FGF5: variants seen among roughly 807,000 people sequenced by gnomAD.
The protein encoded by FGF5 is heparin-binding growth factor 5.
Under a neutral mutation model 21.8 loss-of-function variants are expected in FGF5, and 23 were observed. The observed-to-expected ratio is 1.05, with a 90% CI of 0.76 to 1.49. The LOEUF (loss-of-function observed/expected upper bound fraction) is 1.49, where lower values mean the gene tolerates loss of function less well. Among genes scored for constraint, FGF5 ranks in the 40% most tolerant of loss-of-function variants. FGF5 has a pLI of 0.00. For missense variants in FGF5, 352 were observed against 332.9 expected (o/e 1.06, Z -0.45); for synonymous variants, 158 against 124.0 (o/e 1.27, Z -1.82).
chr4:80,282,896 T>C (rs34461796), intron 2 of FGF5, among the ~76,000 whole-genome samples: 120 of 152,168 alleles, frequency 7.9e-4, no homozygotes, highest in Non-Finnish European at 1.5e-3. Context: ...CCTGGAAAAT[T>C]TATTGTCCAA....
At chr4:80,271,604 G>A (rs1307511935) in intron 1 of FGF5, among the ~76,000 whole-genome samples, 2 of 152,092 alleles carry the variant, frequency 1.3e-5, no homozygotes, top group East Asian at 3.9e-4. Context: ...GTATGCATGG[G>A]GTGTCCTGAC....
Position 80,286,590 on chromosome 4 carries a change from C to T in FGF5, c.725C>T (p.Pro242Leu). The T allele has an allele frequency of 3.7e-6, 6 of 1,614,052 alleles. No individual in the cohort carries two copies. Among genetic ancestry groups the T allele is most frequent in the Non-Finnish European group, 5.1e-6 (6 of 1,179,978 alleles). The change falls in exon 3 of 3, where the codon CCT becomes CTT. Residue 242 changes from proline to leucine, a missense_variant. Pro to Leu is a moderately conservative substitution (Grantham distance 98). Coordinates refer to ENST00000312465, the MANE Select transcript of FGF5 (RefSeq NM_004464.4). Reference protein sequence around the residue: ...TVPEKKKPPSPIKPKIPLSAP... With the variant: ...TVPEKKKPPSLIKPKIPLSAP... ...CCTGAAAAGAAAAAGCCACCTAGCC[C>T]TATCAAGCCAAAGATTCCCCTTTCT... is the stretch of plus-strand genomic sequence containing the variant.
At chr4:80,270,957 T>G (rs1341027256) in intron 1 of FGF5, among the ~76,000 whole-genome samples, 1 of 152,180 alleles carries the variant, frequency 6.6e-6, no homozygotes, top group Non-Finnish European at 1.5e-5. Context: ...GTGGAAAATT[T>G]CTGTTGCTAA....
intron 1 of FGF5, among the ~76,000 whole-genome samples, chr4:80,267,425 C>T (rs1720128046): frequency 6.6e-6 from 1 of 152,184 alleles, no homozygotes; most frequent in Non-Finnish European, 1.5e-5. Context: ...GGCTGGTGCC[C>T]AGACGGGTAC....
intron 2 of FGF5, among the ~76,000 whole-genome samples, chr4:80,277,220 G>A (rs371684804): frequency 2.0e-5 from 3 of 152,098 alleles, no homozygotes; most frequent in Admixed American, 6.6e-5. Context: ...CATCTTGGCA[G>A]GCTAAAGTTA....
In FGF5 at chr4:80,288,989, C is replaced by A. The variant is rs1190242847; in HGVS notation, c.*2317C>A. The A allele has an allele frequency of 2.7e-5, 4 of 148,266 alleles. No individual in the cohort carries two copies. The East Asian group carries it at 5.8e-4, about 22-fold the overall frequency. 9.2% of individuals were successfully genotyped at this position (148,266 alleles called of 1,614,324 possible). A position where few individuals can be genotyped will look rare whatever the true frequency, so the allele number is the denominator to read the frequency against. On this transcript the variant is annotated 3_prime_UTR_variant, in exon 3 of 3. Coordinates refer to ENST00000312465, the MANE Select transcript of FGF5 (RefSeq NM_004464.4). ...ATTACACTTGTCTTTACTGGCCATA[C>A]AAAATGATTTTTTTTTTTTTTTTGA...
At position 80,286,598 on chromosome 4, in the gene FGF5, C is replaced by T; in HGVS notation, c.733C>T (p.Pro245Ser). The T allele has an allele frequency of 1.2e-6, 2 of 1,613,996 alleles. No homozygotes were observed. Among genetic ancestry groups the T allele is most frequent in the Non-Finnish European group, 8.5e-7 (1 of 1,179,958 alleles). ...EKKKPPSPIK[P>S]KIPLSAPRKN... ...GAAAAAGCCACCTAGCCCTATCAAG[C>T]CAAAGATTCCCCTTTCTGCACCTCG... Residue 245 changes from proline to serine, a missense_variant, in exon 3 of 3, where the codon CCA becomes TCA. Transcript: ENST00000312465.
chr4:80,281,454 G>A (rs983210319), intron 2 of FGF5, among the ~76,000 whole-genome samples: 2 of 152,068 alleles, frequency 1.3e-5, no homozygotes, highest in Middle Eastern at 6.8e-3. Context: ...TTTATATTTG[G>A]CTTTTTTTCC....
At chr4:80,286,239 G>GA in intron 2 of FGF5, 86 bp from the exon 3 acceptor site, 3 of 877,454 alleles carry the variant, frequency 3.4e-6, no homozygotes, top group South Asian at 4.5e-5. Flanking sequence ...CAAAATTATT[G>GA]TTTTTTTTTC....
chr4:80,285,586 C>T (rs1720688386), intron 2 of FGF5, among the ~76,000 whole-genome samples: 1 of 152,156 alleles, frequency 6.6e-6, no homozygotes, highest in Non-Finnish European at 1.5e-5. Flanking sequence ...TATCAAGCTG[C>T]ACCATGACGG....
In FGF5 at chr4:80,286,948, C is replaced by T. The variant is rs115729960; in HGVS notation, c.*276C>T. On this transcript the variant is annotated 3_prime_UTR_variant, in exon 3 of 3. Coordinates refer to ENST00000312465, the MANE Select transcript of FGF5 (RefSeq NM_004464.4). ...AGGGATATTTAGAACTTTGTATTTT[C>T]GGAAAGTTAAATAACAGGGACTACG... 1.7e-3 allele frequency: 488 copies of T among 294,508 alleles called. 2 individuals are homozygous for T. Among genetic ancestry groups the T allele is most frequent in the African/African-American group, 9.5e-3 (446 of 46,854 alleles). 18.2% of individuals were successfully genotyped at this position (294,508 alleles called of 1,614,324 possible).
intron 2 of FGF5, among the ~76,000 whole-genome samples, chr4:80,282,512 A>G (rs1482435507): frequency 6.6e-6 from 1 of 152,236 alleles, no homozygotes; most frequent in Admixed American, 6.5e-5. Flanking sequence ...ATTTAAGTCA[A>G]CAAAAACATG....
chr4:80,268,585 G>A, intron 1 of FGF5: 1 of 938,026 alleles, frequency 1.1e-6, no homozygotes. Context: ...CGGTAGGCTG[G>A]CTAGCCTCCT....
rs4690150 is a variant in FGF5, at chr4:80,290,416, G to C, written c.*3744G>C. On this transcript the variant is annotated 3_prime_UTR_variant, in exon 3 of 3. Transcript: ENST00000312465. ...ATGATTAGGTATTAGCAGAGACAAA[G>C]AGTTACCTCCTCCATCTTACTCTGC... 0.59 allele frequency: 89,864 copies of C among 151,966 alleles called. 29,045 individuals are homozygous for C. The highest frequency in any genetic ancestry group is 0.72 in the Non-Finnish European group (49,021 of 67,974). 9.4% of individuals were successfully genotyped at this position (151,966 alleles called of 1,614,324 possible).
chr4:80,269,747 A>G (rs1237198602), intron 1 of FGF5, among the ~76,000 whole-genome samples: 6 of 151,498 alleles, frequency 4.0e-5, no homozygotes, highest in Admixed American at 3.9e-4. Flanking sequence ...CTCACTAAGC[A>G]TGATATTTTG....
intron 1 of FGF5, among the ~76,000 whole-genome samples, chr4:80,267,630 C>T (rs1720134131): frequency 1.3e-5 from 2 of 152,144 alleles, no homozygotes; most frequent in African/African-American, 4.8e-5. Context: ...AATCAAATCC[C>T]AAATACTTCC....
In FGF5 at chr4:80,288,442, T is replaced by A. The variant is rs370373404; in HGVS notation, c.*1770T>A. ...TTAAGCATTCTTTCCACTGAATGCA[T>A]AATGTTTAAATAGCATAAAATGAAA... On this transcript the variant is annotated 3_prime_UTR_variant, in exon 3 of 3. Coordinates refer to ENST00000312465, the MANE Select transcript of FGF5 (RefSeq NM_004464.4). 3.3e-5 allele frequency: 5 copies of A among 152,212 alleles called. No homozygotes were observed. In the East Asian group the frequency reaches 7.7e-4, roughly 23 times the overall value. 9.4% of individuals were successfully genotyped at this position (152,212 alleles called of 1,614,324 possible).
intron 1 of FGF5, among the ~76,000 whole-genome samples, chr4:80,273,836 C>T (rs962815703): frequency 2.0e-5 from 3 of 152,206 alleles, no homozygotes; most frequent in East Asian, 1.9e-4. Flanking sequence ...TGAGCTACTG[C>T]ACCTGGCTTC....
chr4:80,276,753 C>T (rs1720423223), intron 2 of FGF5, among the ~76,000 whole-genome samples: 1 of 139,642 alleles, frequency 7.2e-6, no homozygotes, highest in Non-Finnish European at 1.6e-5. Flanking sequence ...CTCACGAGGG[C>T]TGGAAAAAAA....
Sources: allele counts gnomAD v4.1 joint callset (sites outside exome capture counted in the v4.1 genomes callset), GRCh38; gene constraint gnomAD v4.1.1; transcripts MANE v1.5; gene names NCBI Gene and HGNC (gene_info 2026-07-23, HGNC 2026-07-21).